Variants in PPP1R13B observed in about 807,000 individuals in gnomAD.
The protein encoded by PPP1R13B is protein phosphatase 1 regulatory subunit 13B.
In PPP1R13B, 44 loss-of-function variants were observed where a neutral mutation model predicts 119.8. The observed-to-expected ratio is 0.37, with a 90% CI of 0.29 to 0.47. The LOEUF (loss-of-function observed/expected upper bound fraction) is 0.47, where lower values mean the gene tolerates loss of function less well. Among genes scored for constraint, PPP1R13B ranks in the 20% least tolerant of loss-of-function variants. The pLI, the probability that PPP1R13B is intolerant of heterozygous loss-of-function variation, is 0.99. For missense variants in PPP1R13B, 1,227 were observed against 1,413.5 expected (o/e 0.87, Z 2.12); for synonymous variants, 542 against 561.5 (o/e 0.97, Z 0.49).
At chr14:103,751,943 A>C (rs1450482201) in intron 7 of PPP1R13B, among the ~76,000 whole-genome samples, 1 of 152,200 alleles carries the variant, frequency 6.6e-6, no homozygotes, top group Non-Finnish European at 1.5e-5. Context: ...CCTAAGTTTA[A>C]TTCTTTACTG....
At chr14:103,809,005 G>C (rs2152056385) in intron 1 of PPP1R13B, among the ~76,000 whole-genome samples, 1 of 152,174 alleles carries the variant, frequency 6.6e-6, no homozygotes, top group African/African-American at 2.4e-5. Context: ...AAGTAGCTGA[G>C]ACTGTAAAAG....
chr14:103,784,621 G>C (rs536592045), intron 3 of PPP1R13B, among the ~76,000 whole-genome samples, 174 bp downstream of exon 3: 1 of 131,516 alleles, frequency 7.6e-6, no homozygotes, highest in Non-Finnish European at 1.6e-5. Flanking sequence ...AAAAAGTGCC[G>C]TAATGGTAAA....
At chr14:103,795,176 GATCC>G (rs1296307953) in intron 2 of PPP1R13B, among the ~76,000 whole-genome samples, 1 of 152,108 alleles carries the variant, frequency 6.6e-6, no homozygotes, top group African/African-American at 2.4e-5. Flanking sequence ...GGCTTCAAGT[GATCC>G]ACCCGCCTTG....
At chr14:103,777,121 T>C (rs1209685979) in intron 4 of PPP1R13B, among the ~76,000 whole-genome samples, 1 of 151,602 alleles carries the variant, frequency 6.6e-6, no homozygotes, top group East Asian at 2.0e-4. Flanking sequence ...GCCTCCTGAG[T>C]AGCTGGGACT....
chr14:103,799,974 C>T (rs1287376420), intron 1 of PPP1R13B, among the ~76,000 whole-genome samples: 1 of 151,912 alleles, frequency 6.6e-6, no homozygotes, highest in East Asian at 1.9e-4. Flanking sequence ...TCACTTGAAC[C>T]CGGGAGGCAT....
In PPP1R13B at chr14:103,733,322, G is replaced by C. The variant is rs2084005150; in HGVS notation, c.*1832C>G. ...AGCATAATATATACCATTTTTATGA[G>C]TTCGCAGGTCTACTAGAAGGTTCTG... On this transcript the variant is annotated 3_prime_UTR_variant, in exon 17 of 17. Coordinates refer to ENST00000202556, the MANE Select transcript of PPP1R13B (RefSeq NM_015316.3). 1 of 320,102 alleles carries C rather than the reference G, an allele frequency of 3.1e-6. No homozygotes were observed. The highest frequency in any genetic ancestry group is 5.8e-6 in the Non-Finnish European group (1 of 171,198). The allele number at this position is 320,102 out of a possible 1,614,324, so 19.8% of individuals were successfully genotyped here. A position where few individuals can be genotyped will look rare whatever the true frequency, so the allele number is the denominator to read the frequency against.
chr14:103,825,020 A>G (rs2086504030), intron 1 of PPP1R13B, among the ~76,000 whole-genome samples: 1 of 152,154 alleles, frequency 6.6e-6, no homozygotes. Flanking sequence ...TTCCAACAGC[A>G]TGTGCTCACC....
chr14:103,785,795 C>T (rs2085449359), intron 2 of PPP1R13B, among the ~76,000 whole-genome samples: 1 of 152,050 alleles, frequency 6.6e-6, no homozygotes. Flanking sequence ...GCTGGGATTA[C>T]AGGTGTGAGC....
rs924793148 is a variant in PPP1R13B, at chr14:103,739,772, G to C, written c.2592+52C>G. The C allele has an allele frequency of 2.6e-6, 4 of 1,528,346 alleles. No individual in the cohort carries two copies. The Admixed American group carries it at 8.1e-5, about 31-fold the overall frequency. 94.7% of individuals were successfully genotyped at this position (1,528,346 alleles called of 1,614,324 possible). On this transcript the variant is annotated intron_variant, in intron 12 of 16. Coordinates refer to ENST00000202556, the MANE Select transcript of PPP1R13B (RefSeq NM_015316.3). ...CCAAGGGAAGGACCCCAGAGGTCCT[G>C]GTTGCATGAATGACCAGGAAGGCCA... is the stretch of plus-strand genomic sequence containing the variant.
chr14:103,770,299 A>T (rs1364867254), intron 4 of PPP1R13B, among the ~76,000 whole-genome samples: 1 of 152,126 alleles, frequency 6.6e-6, no homozygotes, highest in Admixed American at 6.6e-5. Context: ...GGATCACTCG[A>T]GCTCAGGAGT....
intron 4 of PPP1R13B, among the ~76,000 whole-genome samples, chr14:103,774,501 A>T (rs1432336808): frequency 6.6e-6 from 1 of 152,236 alleles, no homozygotes; most frequent in Non-Finnish European, 1.5e-5. Context: ...CCTTTATAGC[A>T]TAATGACAAA....
chr14:103,838,209 G>GGC (rs901952749), intron 1 of PPP1R13B, among the ~76,000 whole-genome samples: 8 of 106,184 alleles, frequency 7.5e-5, no homozygotes, highest in African/African-American at 1.9e-4. Flanking sequence ...ACTCTGTTAT[G>GGC]GCACACACAC....
intron 1 of PPP1R13B, among the ~76,000 whole-genome samples, chr14:103,816,293 G>A (rs573015943): frequency 6.6e-6 from 1 of 151,208 alleles, no homozygotes; most frequent in South Asian, 2.1e-4. Flanking sequence ...AAGTAGCTGG[G>A]AATACAGGTG....
intron 9 of PPP1R13B, 65 bp downstream of exon 9, chr14:103,746,308 C>T (rs1177901854): frequency 6.1e-5 from 14 of 228,472 alleles, no homozygotes; most frequent in Non-Finnish European, 1.3e-4. Context: ...CCCCCCGCCC[C>T]TCCACCGCAG....
At position 103,738,646 on chromosome 14, in the gene PPP1R13B, A is replaced by C; in HGVS notation, c.2864+33T>G. 6.2e-7 allele frequency: 1 copy of C among 1,610,002 alleles called. No individual in the cohort carries two copies. The highest frequency in any genetic ancestry group is 8.5e-7 in the Non-Finnish European group (1 of 1,176,664). On this transcript the variant is annotated intron_variant, in intron 14 of 16. Transcript: ENST00000202556. The surrounding 1 kb of genome is among the most constrained non-coding windows in gnomAD (Gnocchi z 5.6). ...TTCCTTATGCAAAGCAGGGAAAGTA[A>C]ATCTGTCCACCCCACACTCCTACGG...
intron 1 of PPP1R13B, among the ~76,000 whole-genome samples, chr14:103,822,122 G>A (rs1243532970): frequency 1.3e-5 from 2 of 151,902 alleles, no homozygotes; most frequent in Admixed American, 6.6e-5. Flanking sequence ...CCCAAGAGAT[G>A]AGGATCAAAA....
At chr14:103,760,268 A>G (rs2084773322) in intron 4 of PPP1R13B, among the ~76,000 whole-genome samples, 1 of 152,232 alleles carries the variant, frequency 6.6e-6, no homozygotes, top group South Asian at 2.1e-4. Context: ...CTATCACTGT[A>G]TTACATGCAA....
At chr14:103,847,120 C>A in intron 1 of PPP1R13B, 179 bp downstream of exon 1, 16 of 983,644 alleles carry the variant, frequency 1.6e-5, no homozygotes, top group Non-Finnish European at 1.9e-5. Flanking sequence ...GACAGCCCGG[C>A]GCCGCCCCCA....
chr14:103,800,963 G>C (rs1380399196), intron 1 of PPP1R13B, among the ~76,000 whole-genome samples: 1 of 151,978 alleles, frequency 6.6e-6, no homozygotes, highest in Admixed American at 6.6e-5. Context: ...CGATTCTCCT[G>C]CCTCAGCCTC....
Sources: gnomAD v4.1 joint callset for allele counts (sites outside exome capture counted in the v4.1 genomes callset) on GRCh38, gnomAD v4.1.1 for gene constraint, Gnocchi (gnomAD v3.1) non-coding constraint, MANE v1.5 for transcripts, NCBI Gene and HGNC (gene_info 2026-07-23, HGNC 2026-07-21) for gene names.